Variants in TRMO observed in about 807,000 individuals in gnomAD.
TRMO encodes tRNA (adenine(37)-N6)-methyltransferase.
TRMO carries 30 observed loss-of-function variants against 37.2 expected under a neutral mutation model. That is an observed-to-expected ratio of 0.81 (90% CI 0.60 to 1.09). The LOEUF is 1.09. Ranked by LOEUF, TRMO falls within the 50% of genes least tolerant of loss-of-function variation. TRMO has a pLI of 0.00. For missense variants in TRMO, 552 were observed against 549.5 expected, an observed-to-expected ratio of 1.00 and a Z score of -0.05; for synonymous variants, 239 against 199.4, an observed-to-expected ratio of 1.20 and a Z score of -1.67.
At position 97,911,169 on chromosome 9, in the gene TRMO, C is replaced by G. The variant is rs565237465; in HGVS notation, c.410-553G>C. On this transcript the variant is annotated intron_variant, in intron 3 of 4. Coordinates refer to ENST00000375119, the MANE Select transcript of TRMO (RefSeq NM_016481.5). ...TTCATGCCCTTATATAATCCTTCCC[C>G]TTGAGTGTGACTGGCTTCTAACCAA... is the stretch of plus-strand genomic sequence containing the variant. 3.1e-5 allele frequency: 7 copies of G among 227,628 alleles called. No homozygotes were observed. The East Asian group carries it at 4.1e-4, about 13-fold the overall frequency. The allele number at this position is 227,628 out of a possible 1,614,324, so 14.1% of individuals were successfully genotyped here. A position where few individuals can be genotyped will look rare whatever the true frequency, so the allele number is the denominator to read the frequency against.
chr9:97,908,622 C>T (rs982580602), intron 4 of TRMO, among the ~76,000 whole-genome samples: 6 of 152,016 alleles, frequency 3.9e-5, no homozygotes, highest in Non-Finnish European at 7.4e-5. Context: ...ACACTCCAAG[C>T]CTGCTGTATT....
At position 97,921,597 on chromosome 9, in the gene TRMO, G is replaced by GT. The variant is rs1294817109; in HGVS notation, c.76+820dup. 4.6e-5 allele frequency among the ~76,000 whole-genome samples: 7 copies of GT among 151,786 alleles called. 1 individual carries two copies. In the East Asian group the frequency reaches 1.4e-3, roughly 30 times the overall value. On this transcript the variant is annotated intron_variant, in intron 1 of 4. Coordinates refer to ENST00000375119, the MANE Select transcript of TRMO (RefSeq NM_016481.5). Reference sequence around the variant, plus strand: ...ACCACCACGCCCGGCTGATTTTTTTGTATTTTTTAGTAGAGACGAGGTTTC... The same window carrying GT: ...ACCACCACGCCCGGCTGATTTTTTTGTTATTTTTTAGTAGAGACGAGGTTTC...
At chr9:97,912,689 T>C in intron 3 of TRMO, 2 of 315,414 alleles carry the variant, frequency 6.3e-6, no homozygotes, top group South Asian at 4.9e-5. Context: ...TCCTTCTCCT[T>C]TGCCCACTTC....
chr9:97,897,726 A>G, the TRMO span, among the ~76,000 whole-genome samples: 2 of 152,254 alleles, frequency 1.3e-5, no homozygotes, highest in South Asian at 4.1e-4. Context: ...TTAACATGGA[A>G]TTTAAAAATG....
chr9:97,898,838 C>CTTTTT, the TRMO span, among the ~76,000 whole-genome samples: 14,227 of 88,102 alleles, frequency 0.16, 2,628 homozygotes, highest in Non-Finnish European at 0.22. Context: ...TATATATATA[C>CTTTTT]TTTTTTTTTT....
chr9:97,916,859 C>T (rs946149148), intron 1 of TRMO, among the ~76,000 whole-genome samples: 1 of 150,814 alleles, frequency 6.6e-6, no homozygotes, highest in Non-Finnish European at 1.5e-5. Context: ...GCGCCCACCA[C>T]CACGCTCAAC....
At chr9:97,900,787 T>C (rs1831151749), downstream of TRMO, 9 of 961,074 alleles carry the variant, frequency 9.4e-6, no homozygotes, top group Non-Finnish European at 1.1e-5. Context: ...ACTGTAGCAT[T>C]TTAAAAACCC....
intron 1 of TRMO, among the ~76,000 whole-genome samples, chr9:97,918,386 CAAAA>C (rs148191282): frequency 8.0e-5 from 10 of 125,014 alleles, no homozygotes; most frequent in Non-Finnish European, 1.0e-4. Flanking sequence ...GACTCCATCT[CAAAA>C]AAAAAAAAAA....
At chr9:97,898,858 T>TTTTTTTTTA in the TRMO span, among the ~76,000 whole-genome samples, 1 of 144,364 alleles carries the variant, frequency 6.9e-6, no homozygotes, top group Non-Finnish European at 1.5e-5. Flanking sequence ...TTTTTTTTTT[T>TTTTTTTTTA]AGATGGAGAC....
chr9:97,913,576 A>G lies in TRMO; in HGVS notation c.252-18T>C. The G allele has an allele frequency of 3.3e-6, 5 of 1,532,792 alleles. No individual in the cohort carries two copies. Among genetic ancestry groups the G allele is most frequent in the Non-Finnish European group, 4.5e-6 (5 of 1,111,196 alleles). The allele number at this position is 1,532,792 out of a possible 1,614,324, so 94.9% of individuals were successfully genotyped here. On this transcript the variant is annotated intron_variant, in intron 2 of 4. Transcript: ENST00000375119. ...ACAAAATCCTATAGAAAACAAAACA[A>G]AACAAACCACGGAATAAGAAAAGAG...
At chr9:97,920,690 T>C (rs1275509370) in intron 1 of TRMO, among the ~76,000 whole-genome samples, 3 of 152,222 alleles carry the variant, frequency 2.0e-5, no homozygotes, top group Non-Finnish European at 4.4e-5. Context: ...TACAGGATTG[T>C]CTACACGTCT....
chr9:97,904,982 C>T lies in TRMO; in HGVS notation c.1077G>A (p.Gln359=). 6.2e-7 allele frequency: 1 copy of T among 1,612,688 alleles called. No individual in the cohort carries two copies. The highest frequency in any genetic ancestry group is 8.5e-7 in the Non-Finnish European group (1 of 1,178,862). The change falls in exon 5 of 5, where the codon CAG becomes CAA. Residue 359 remains glutamine, a synonymous_variant. Coordinates refer to ENST00000375119, the MANE Select transcript of TRMO (RefSeq NM_016481.5). ...LGQLSSQDVG[Q]ASFKYFQSAE... ...CTGACTGAAAATATTTAAATGACGCCTGACCAACATCTGCAATGAAAAAAA... is the reference window on the plus strand; with the variant it reads ...CTGACTGAAAATATTTAAATGACGCTTGACCAACATCTGCAATGAAAAAAA...
chr9:97,913,245 T>C lies in TRMO; in HGVS notation c.409+156A>G. ...ATTTCAACATTTTTCAATGCTAACA[T>C]TCTTTTAATCATTGTATTTTCTTCA... On this transcript the variant is annotated intron_variant, in intron 3 of 4. Transcript: ENST00000375119. The C allele has an allele frequency of 7.2e-6, 6 of 838,640 alleles. 1 individual carries two copies. The highest frequency in any genetic ancestry group is 1.2e-5 in the Non-Finnish European group (6 of 515,298). 51.9% of individuals were successfully genotyped at this position (838,640 alleles called of 1,614,324 possible). A position where few individuals can be genotyped will look rare whatever the true frequency, so the allele number is the denominator to read the frequency against.
At chr9:97,906,841 CAAA>C (rs752160277) in intron 4 of TRMO, among the ~76,000 whole-genome samples, 14 of 125,512 alleles carry the variant, frequency 1.1e-4, no homozygotes, top group Non-Finnish European at 1.2e-4. Context: ...GACTCCGTCT[CAAA>C]AAAAAAAAAA....
chr9:97,919,937 C>A (rs1442456077), intron 1 of TRMO, among the ~76,000 whole-genome samples: 1 of 152,186 alleles, frequency 6.6e-6, no homozygotes, highest in Non-Finnish European at 1.5e-5. Context: ...GGACCACTCT[C>A]AAAATACCAA....
rs148772479 is a variant in TRMO at position 97,922,482 on chromosome 9, C to G, written c.12G>C (p.Leu4Phe). 2 of 1,577,826 alleles carry G rather than the reference C, an allele frequency of 1.3e-6. No homozygotes were observed. Among genetic ancestry groups the G allele is most frequent in the Non-Finnish European group, 1.7e-6 (2 of 1,163,536 alleles). MRG[L>F]EESGPRPTAT... ...CTGTAGGCCGAGGCCCCGACTCCTC[C>G]AAGCCGCGCATGGCTACTGGTTGCT... The change falls in exon 1 of 5, where the codon TTG (leucine) becomes TTC (phenylalanine). Residue 4 changes from leucine to phenylalanine, a missense_variant. Transcript: ENST00000375119.
chr9:97,910,193 T>C lies in TRMO; in HGVS notation c.833A>G (p.Lys278Arg), dbSNP rs773386946. The change falls in exon 4 of 5, where the codon AAG becomes AGG. Residue 278 changes from lysine (K) to arginine (R), a missense_variant. By Grantham distance (26) the Lys-to-Arg change is conservative. Transcript: ENST00000375119. ...GTCTGTACCTTTCTCTGAAAAGCTC[T>C]TCTCTGGGCAATATGGGCCAATTTG... Reference protein sequence around the residue: ...EEQIGPYCPEKSFSEKGTDKK... With the variant: ...EEQIGPYCPERSFSEKGTDKK... The C allele has an allele frequency of 2.5e-6, 4 of 1,614,238 alleles. No individual in the cohort carries two copies. The South Asian group carries it at 3.3e-5, about 13-fold the overall frequency.
At position 97,922,193 on chromosome 9, in the gene TRMO, G is replaced by A. The variant is rs541417493; in HGVS notation, c.76+225C>T. Among the ~76,000 whole-genome samples the A allele has an allele frequency of 1.8e-4, 28 of 152,318 alleles. No homozygotes were observed. In the East Asian group the frequency reaches 4.4e-3, roughly 24 times the overall value. On this transcript the variant is annotated intron_variant, in intron 1 of 4. Coordinates refer to ENST00000375119, the MANE Select transcript of TRMO (RefSeq NM_016481.5). ...CCAGCTACTGAGCCAAGACTACGCA[G>A]ACAGTACAAGTCTTATAACAAAGCG... is the stretch of plus-strand genomic sequence containing the variant.
At chr9:97,908,656 T>A (rs1441834807) in intron 4 of TRMO, among the ~76,000 whole-genome samples, 1 of 152,208 alleles carries the variant, frequency 6.6e-6, no homozygotes, top group Admixed American at 6.5e-5. Context: ...GTAACTCTTA[T>A]CACCTTCTAA....
Sources: gnomAD v4.1 joint callset for allele counts (sites outside exome capture counted in the v4.1 genomes callset) on GRCh38, gnomAD v4.1.1 for gene constraint, MANE v1.5 for transcripts, NCBI Gene and HGNC (gene_info 2026-07-23, HGNC 2026-07-21) for gene names.